ATXN7L1: variants seen among roughly 807,000 people sequenced by gnomAD.
ATXN7L1 encodes the protein ataxin 7 like 1, also known as ataxin-7-like protein 1.
In ATXN7L1, 15 loss-of-function variants were observed where a neutral mutation model predicts 70.8. The observed-to-expected ratio is 0.21, with a 90% CI of 0.14 to 0.33. ATXN7L1 has a LOEUF of 0.33. Among genes scored for constraint, ATXN7L1 ranks in the 10% least tolerant of loss-of-function variants. The pLI is 1.00. For synonymous variants in ATXN7L1, 440 were observed against 445.1 expected, an observed-to-expected ratio of 0.99 and a Z score of 0.14; for missense variants, 975 against 1,097.1, an observed-to-expected ratio of 0.89 and a Z score of 1.57.
Position 105,607,701 on chromosome 7 carries a change from T to C in ATXN7L1, c.*151A>G, listed in dbSNP as rs1792817799. On this transcript the variant is annotated 3_prime_UTR_variant, in exon 12 of 12. Coordinates refer to ENST00000419735, the MANE Select transcript of ATXN7L1 (RefSeq NM_020725.2). The stretch of plus-strand genomic sequence containing the variant: ...GCCTTTTTAACTAAAAATTGGTCAA[T>C]TAAAAAAAGAAGAAGAAAGGCCAGA... 3.3e-6 allele frequency: 2 copies of C among 604,168 alleles called. No homozygotes were observed. Among genetic ancestry groups the C allele is most frequent in the African/African-American group, 3.7e-5 (2 of 53,990 alleles). 37.4% of individuals were successfully genotyped at this position (604,168 alleles called of 1,614,324 possible).
intron 3 of ATXN7L1, among the ~76,000 whole-genome samples, chr7:105,782,525 C>T (rs1229197029): frequency 6.6e-6 from 1 of 152,208 alleles, no homozygotes; most frequent in Non-Finnish European, 1.5e-5. Flanking sequence ...AAAGGGTCTC[C>T]CCAGCAGTGG....
intron 2 of ATXN7L1, among the ~76,000 whole-genome samples, chr7:105,799,138 G>A (rs1384151384): frequency 6.6e-6 from 1 of 152,240 alleles, no homozygotes; most frequent in African/African-American, 2.4e-5. Flanking sequence ...CTGGAAGAGA[G>A]TCCATAAAGA....
rs543758869 is a variant in ATXN7L1 at position 105,759,139 on chromosome 7, C to T, written c.355+29465G>A. Among the ~76,000 whole-genome samples, 162 of 138,486 alleles carry T rather than the reference C, an allele frequency of 1.2e-3. 1 individual carries two copies. Among genetic ancestry groups the T allele is most frequent in the Middle Eastern group, 3.6e-3 (1 of 274 alleles). The allele number at this position is 138,486 out of a possible 152,430, so 90.9% of individuals were successfully genotyped here. ...ATTATATAAAAATATTATTTAGTGG[C>T]CTTTTTTTTAGTTTATTCTTACTTT... On this transcript the variant is annotated intron_variant, in intron 3 of 11. Transcript: ENST00000419735.
At chr7:105,693,561 A>G (rs138144855) in intron 3 of ATXN7L1, among the ~76,000 whole-genome samples, 2 of 105,138 alleles carry the variant, frequency 1.9e-5, no homozygotes, top group African/African-American at 7.0e-5. Context: ...CCATCCATCC[A>G]TCCATCCATC....
At position 105,629,059 on chromosome 7, in the gene ATXN7L1, C is replaced by G. The variant is rs1386946603; in HGVS notation, c.1203-4792G>C. 4.6e-5 allele frequency among the ~76,000 whole-genome samples: 7 copies of G among 152,098 alleles called. No homozygotes were observed. The East Asian group carries it at 1.4e-3, about 30-fold the overall frequency. ...TCACTCACTGTATTCACAGGAACTC[C>G]TGGGCCCACAGGATCTTCCCAGCTC... On this transcript the variant is annotated intron_variant, in intron 7 of 11. Coordinates refer to ENST00000419735, the MANE Select transcript of ATXN7L1 (RefSeq NM_020725.2).
intron 3 of ATXN7L1, among the ~76,000 whole-genome samples, chr7:105,705,570 C>G (rs1793052431): frequency 6.6e-6 from 1 of 152,172 alleles, no homozygotes; most frequent in African/African-American, 2.4e-5. Context: ...CCCCAGGAAT[C>G]TGTCGCAGCT....
chr7:105,620,503 A>T (rs556187023), intron 8 of ATXN7L1, among the ~76,000 whole-genome samples, 182 bp from the exon 9 acceptor site: 2 of 152,242 alleles, frequency 1.3e-5, no homozygotes, highest in African/African-American at 4.8e-5. Flanking sequence ...TTTCTGCAGA[A>T]CCTCATATTA....
chr7:105,610,501 T>TGGGCG, intron 11 of ATXN7L1, 28 bp downstream of exon 11: 1 of 1,526,728 alleles, frequency 6.5e-7, no homozygotes, highest in Non-Finnish European at 8.9e-7. Flanking sequence ...TATGAATTTT[T>TGGGCG]GCCCCACCCC....
At chr7:105,861,804 C>T (rs1321822565) in intron 2 of ATXN7L1, among the ~76,000 whole-genome samples, 1 of 152,136 alleles carries the variant, frequency 6.6e-6, no homozygotes, top group Non-Finnish European at 1.5e-5. Flanking sequence ...TTCTGTGAAG[C>T]AAATATGATT....
chr7:105,659,451 C>T (rs949881495), intron 4 of ATXN7L1, among the ~76,000 whole-genome samples: 7 of 152,048 alleles, frequency 4.6e-5, no homozygotes, highest in African/African-American at 9.7e-5. Context: ...AGTCTATGGC[C>T]GACCAGAGAA....
chr7:105,718,375 A>G (rs1360350225), intron 3 of ATXN7L1, among the ~76,000 whole-genome samples: 1 of 152,206 alleles, frequency 6.6e-6, no homozygotes, highest in Non-Finnish European at 1.5e-5. Flanking sequence ...AACTGGAGTG[A>G]GCTGAGTGAT....
chr7:105,847,227 C>G (rs1314510306), intron 2 of ATXN7L1, among the ~76,000 whole-genome samples: 1 of 152,132 alleles, frequency 6.6e-6, no homozygotes, highest in Admixed American at 6.5e-5. Context: ...CCTCTGAAGA[C>G]CAGTTACCAT....
intron 3 of ATXN7L1, among the ~76,000 whole-genome samples, chr7:105,709,150 T>C (rs1272824500): frequency 1.3e-5 from 2 of 152,170 alleles, no homozygotes; most frequent in African/African-American, 2.4e-5. Context: ...CTGGCCAACA[T>C]GGTGAAACCT....
chr7:105,632,094 C>G (rs1323233865), intron 7 of ATXN7L1, among the ~76,000 whole-genome samples: 1 of 152,242 alleles, frequency 6.6e-6, no homozygotes, highest in Non-Finnish European at 1.5e-5. Context: ...TCCAATTAGG[C>G]TGTTAGAGCC....
chr7:105,706,440 C>T (rs1176771877), intron 3 of ATXN7L1, among the ~76,000 whole-genome samples: 2 of 152,112 alleles, frequency 1.3e-5, no homozygotes, highest in South Asian at 2.1e-4. Context: ...AAGTGATCCG[C>T]CTGCCTTGGC....
chr7:105,635,908 C>T (rs1797288797), intron 7 of ATXN7L1, among the ~76,000 whole-genome samples: 1 of 148,352 alleles, frequency 6.7e-6, no homozygotes, highest in Non-Finnish European at 1.5e-5. Context: ...ATATATACAT[C>T]AATATGAGTA....
intron 3 of ATXN7L1, among the ~76,000 whole-genome samples, chr7:105,740,769 A>G (rs1232902871): frequency 1.2e-5 from 1 of 85,686 alleles, no homozygotes; most frequent in African/African-American, 6.4e-5. Flanking sequence ...GGCTCCATTC[A>G]TTTTTTTTTT....
At chr7:105,653,364 C>T (rs1800143734) in intron 4 of ATXN7L1, among the ~76,000 whole-genome samples, 1 of 152,138 alleles carries the variant, frequency 6.6e-6, no homozygotes, top group Admixed American at 6.5e-5. Context: ...AGGAGAATTG[C>T]TTGAACCCAG....
intron 2 of ATXN7L1, among the ~76,000 whole-genome samples, chr7:105,803,081 A>G (rs371774311): frequency 1.3e-5 from 2 of 152,232 alleles, no homozygotes; most frequent in African/African-American, 4.8e-5. Flanking sequence ...TTTGTCCCAC[A>G]TCTACTTTCT....
Sources: allele counts gnomAD v4.1 joint callset (sites outside exome capture counted in the v4.1 genomes callset), GRCh38; gene constraint gnomAD v4.1.1; transcripts MANE v1.5; gene names NCBI Gene and HGNC (gene_info 2026-07-23, HGNC 2026-07-21).